ACTR3: variants seen among roughly 807,000 people sequenced by gnomAD.
ACTR3 encodes the protein actin related protein 3, also known as actin-related protein 3.
ACTR3 carries 12 observed loss-of-function variants against 56.8 expected under a neutral mutation model. The ratio of observed to expected loss-of-function variants is 0.21; its 90% CI spans 0.14 to 0.34. The LOEUF (loss-of-function observed/expected upper bound fraction) is 0.34. Ranked by LOEUF, ACTR3 falls within the 10% of genes least tolerant of loss-of-function variation. The pLI is 1.00. For missense variants in ACTR3, 282 were observed against 512.5 expected (o/e 0.55, Z 4.34); for synonymous variants, 162 against 167.4 (o/e 0.97, Z 0.25).
At chr2:113,949,491 C>T (rs1269919907) in intron 8 of ACTR3, among the ~76,000 whole-genome samples, 1 of 150,826 alleles carries the variant, frequency 6.6e-6, no homozygotes, top group Non-Finnish European at 1.5e-5. Context: ...TCAACTAGGA[C>T]AACCTAATGA....
chr2:113,925,601 G>A (rs1406794278), intron 3 of ACTR3, among the ~76,000 whole-genome samples: 1 of 152,150 alleles, frequency 6.6e-6, no homozygotes, highest in Non-Finnish European at 1.5e-5. Flanking sequence ...CTTAGCATTT[G>A]TGCCAGTGGC....
At chr2:113,953,447 T>A (rs1185204836) in intron 10 of ACTR3, 1 of 152,196 alleles carries the variant, frequency 6.6e-6, no homozygotes, top group African/African-American at 2.4e-5. Flanking sequence ...AGTTTTTGGA[T>A]CTTGGAGCAT....
chr2:113,911,611 G>C (rs1574357958), intron 1 of ACTR3, among the ~76,000 whole-genome samples: 2 of 151,912 alleles, frequency 1.3e-5, no homozygotes, highest in South Asian at 4.2e-4. Flanking sequence ...TAGAGATGGG[G>C]TTTCACCATG....
intron 4 of ACTR3, among the ~76,000 whole-genome samples, chr2:113,930,517 A>G (rs963210871): frequency 2.6e-5 from 4 of 152,148 alleles, no homozygotes; most frequent in Non-Finnish European, 4.4e-5. Flanking sequence ...TTTCTTTTAC[A>G]TTTAAGTATT....
At chr2:113,890,734 C>T (rs1196680662) in intron 1 of ACTR3, 23 of 1,062,594 alleles carry the variant, frequency 2.2e-5, no homozygotes, top group Non-Finnish European at 2.4e-5. Flanking sequence ...GGGCCGAGCT[C>T]GGGGACTGGC....
chr2:113,939,148 C>T (rs1001906072), intron 6 of ACTR3, among the ~76,000 whole-genome samples: 10 of 151,706 alleles, frequency 6.6e-5, no homozygotes, highest in African/African-American at 1.5e-4. Flanking sequence ...CTCAGCCTCC[C>T]GTGTAGCTGG....
At chr2:113,949,377 C>CAAAAA (rs1167037648) in intron 8 of ACTR3, among the ~76,000 whole-genome samples, 1 of 57,716 alleles carries the variant, frequency 1.7e-5, no homozygotes, top group African/African-American at 7.2e-5. Context: ...GACTCGGTCT[C>CAAAAA]AAAAAAAAAA....
chr2:113,934,461 T>C (rs1679788024), intron 6 of ACTR3, 75 bp downstream of exon 6: 2 of 1,020,218 alleles, frequency 2.0e-6, no homozygotes, highest in African/African-American at 3.4e-5. Flanking sequence ...CGAATTAATG[T>C]TACTTTTAAA....
At chr2:113,925,829 A>G (rs978999319) in intron 3 of ACTR3, among the ~76,000 whole-genome samples, 1 of 152,216 alleles carries the variant, frequency 6.6e-6, no homozygotes. Flanking sequence ...TTGATACTGC[A>G]AGGTATTTAT....
chr2:113,925,063 A>G (rs541472523), intron 3 of ACTR3, among the ~76,000 whole-genome samples: 2 of 151,006 alleles, frequency 1.3e-5, no homozygotes, highest in African/African-American at 4.9e-5. Context: ...TGCCTGACTG[A>G]TTTTTGTATT....
In ACTR3 at chr2:113,915,903, A is replaced by G. The variant is rs545534217; in HGVS notation, c.101-981A>G. Among the ~76,000 whole-genome samples, 6 of 152,310 alleles carry G rather than the reference A, an allele frequency of 3.9e-5. No homozygotes were observed. The East Asian group carries it at 1.2e-3, about 29-fold the overall frequency. ...GTGTTTATAATTAGCAGATAGAGAC[A>G]TTGCCACTGTCTTTTACTAATGAGT... is the stretch of plus-strand genomic sequence containing the variant. On this transcript the variant is annotated intron_variant, in intron 2 of 11. Coordinates refer to ENST00000263238, the MANE Select transcript of ACTR3 (RefSeq NM_005721.5).
At chr2:113,924,819 G>T (rs887123385) in intron 3 of ACTR3, among the ~76,000 whole-genome samples, 1 of 152,042 alleles carries the variant, frequency 6.6e-6, no homozygotes, top group Non-Finnish European at 1.5e-5. Flanking sequence ...TTAAGACCCG[G>T]CTTAGATATG....
At chr2:113,949,562 A>G (rs566572646) in intron 8 of ACTR3, among the ~76,000 whole-genome samples, 13 of 151,940 alleles carry the variant, frequency 8.6e-5, no homozygotes, top group Non-Finnish European at 1.8e-4. Context: ...TTAGAGCTAG[A>G]TTTTGATTAT....
chr2:113,944,959 A>G lies in ACTR3; in HGVS notation c.858+2600A>G, dbSNP rs1049020092. Among the ~76,000 whole-genome samples, 4 of 152,276 alleles carry G rather than the reference A, an allele frequency of 2.6e-5. No individual in the cohort carries two copies. The East Asian group carries it at 5.8e-4, about 22-fold the overall frequency. On this transcript the variant is annotated intron_variant, in intron 8 of 11. Transcript: ENST00000263238. ...CCAGACAGTTGTGGGAAAGGAGGAA[A>G]AGGTTTTGATAAAGCAGAGATTAAA... is the stretch of plus-strand genomic sequence containing the variant.
intron 3 of ACTR3, among the ~76,000 whole-genome samples, chr2:113,923,703 G>C (rs918345800): frequency 1.3e-5 from 2 of 149,054 alleles, no homozygotes; most frequent in African/African-American, 2.5e-5. Flanking sequence ...CTCAAACGTT[G>C]GTTTCTCTAG....
chr2:113,911,888 C>T (rs1559464683), intron 1 of ACTR3, among the ~76,000 whole-genome samples: 1 of 151,904 alleles, frequency 6.6e-6, no homozygotes, highest in Non-Finnish European at 1.5e-5. Flanking sequence ...AGGTGCCCAC[C>T]ACCATGCCTG....
At chr2:113,948,424 A>C (rs1202745473) in intron 8 of ACTR3, among the ~76,000 whole-genome samples, 1 of 152,196 alleles carries the variant, frequency 6.6e-6, no homozygotes, top group South Asian at 2.1e-4. Context: ...CGCTGGGATT[A>C]TAGGAATGAG....
intron 7 of ACTR3, 46 bp downstream of exon 7, chr2:113,940,148 C>T (rs374513479): frequency 9.8e-6 from 15 of 1,537,214 alleles, no homozygotes; most frequent in Non-Finnish European, 1.1e-5. Context: ...ATTAAAATCA[C>T]ATTTATAACA....
chr2:113,956,316 T>C (rs1680212931), intron 11 of ACTR3, among the ~76,000 whole-genome samples: 1 of 151,818 alleles, frequency 6.6e-6, no homozygotes, highest in African/African-American at 2.4e-5. Context: ...TGTATATATG[T>C]GTTTGTAGTA....
Sources: gnomAD v4.1 joint callset for allele counts (sites outside exome capture counted in the v4.1 genomes callset) on GRCh38, gnomAD v4.1.1 for gene constraint, MANE v1.5 for transcripts, NCBI Gene and HGNC (gene_info 2026-07-23, HGNC 2026-07-21) for gene names.